LRP1B: variants seen among roughly 807,000 people sequenced by gnomAD.
LRP1B encodes low-density lipoprotein receptor-related protein 1B.
A neutral mutation model predicts 556.6 loss-of-function variants in LRP1B; 217 were observed. That is an observed-to-expected ratio of 0.39 (90% CI 0.35 to 0.44). The LOEUF (loss-of-function observed/expected upper bound fraction) is 0.44, where lower values mean the gene tolerates loss of function less well. Among genes scored for constraint, LRP1B ranks in the 20% least tolerant of loss-of-function variants. The probability of loss-of-function intolerance (pLI) is 1.00; values close to 1 mark genes in which losing one functional copy is unlikely to be tolerated. For missense variants in LRP1B, 5,053 were observed against 5,620.8 expected (o/e 0.90, Z 3.23); for synonymous variants, 2,047 against 1,865.8 (o/e 1.10, Z -2.50).
At chr2:140,826,967 C>T (rs1320874432) in intron 31 of LRP1B, among the ~76,000 whole-genome samples, 1 of 152,172 alleles carries the variant, frequency 6.6e-6, no homozygotes, top group Non-Finnish European at 1.5e-5. Context: ...CCCAGCCAGT[C>T]TCCTACAGAG....
chr2:140,419,041 C>A (rs115537184), intron 66 of LRP1B, among the ~76,000 whole-genome samples: 4,572 of 152,190 alleles, frequency 0.03, 109 homozygotes, highest in Non-Finnish European at 0.046. Context: ...GCCTGACAAT[C>A]CAAAGTTATT....
At chr2:140,396,907 A>C (rs1380017614) in intron 66 of LRP1B, among the ~76,000 whole-genome samples, 7 of 152,102 alleles carry the variant, frequency 4.6e-5, no homozygotes, top group Admixed American at 4.6e-4. Flanking sequence ...TACATTCAGC[A>C]CCTCATTGTT....
chr2:141,082,404 G>A (rs1699946614), intron 7 of LRP1B, among the ~76,000 whole-genome samples: 1 of 152,156 alleles, frequency 6.6e-6, no homozygotes, highest in Admixed American at 6.6e-5. Flanking sequence ...GGTCCACACA[G>A]GTGATCTCAT....
At chr2:140,295,762 A>C (rs888314529) in intron 84 of LRP1B, among the ~76,000 whole-genome samples, 1 of 151,506 alleles carries the variant, frequency 6.6e-6, no homozygotes, top group Non-Finnish European at 1.5e-5. Flanking sequence ...AGGAATTACA[A>C]GTGTCCTTGG....
chr2:141,504,189 C>T (rs1270895870), intron 2 of LRP1B, among the ~76,000 whole-genome samples: 2 of 152,040 alleles, frequency 1.3e-5, no homozygotes, highest in Admixed American at 6.6e-5. Flanking sequence ...AGCCTGCTTT[C>T]GAAGATGAAT....
intron 18 of LRP1B, 113 bp downstream of exon 18, chr2:140,982,047 G>T (rs886509749): frequency 1.4e-6 from 1 of 735,100 alleles, no homozygotes; most frequent in Non-Finnish European, 2.2e-6. Context: ...CATATCTTCT[G>T]CCTCTTTTAC....
At chr2:141,381,039 AT>A (rs1413897594) in intron 3 of LRP1B, among the ~76,000 whole-genome samples, 1 of 151,964 alleles carries the variant, frequency 6.6e-6, no homozygotes, top group Admixed American at 6.6e-5. Flanking sequence ...AAGAAAACAT[AT>A]GAATATGTTT....
intron 49 of LRP1B, among the ~76,000 whole-genome samples, chr2:140,522,311 T>C (rs1222062608): frequency 5.3e-5 from 8 of 151,888 alleles, no homozygotes; most frequent in Admixed American, 3.9e-4. Context: ...AAACTAAAAC[T>C]TGCTCCGAAT....
At chr2:140,712,112 C>G (rs1687049406) in intron 37 of LRP1B, among the ~76,000 whole-genome samples, 1 of 152,046 alleles carries the variant, frequency 6.6e-6, no homozygotes, top group South Asian at 2.1e-4. Flanking sequence ...GGAGGATTAT[C>G]CTGGGGCCAC....
chr2:141,236,003 G>A (rs959119185), intron 5 of LRP1B, among the ~76,000 whole-genome samples: 1 of 152,102 alleles, frequency 6.6e-6, no homozygotes, highest in African/African-American at 2.4e-5. Context: ...ACAGTATAAT[G>A]TGATCAAAAC....
chr2:141,475,779 A>C (rs57623449), intron 3 of LRP1B, among the ~76,000 whole-genome samples: 25,939 of 151,916 alleles, frequency 0.17, 2,376 homozygotes, highest in South Asian at 0.29. Flanking sequence ...CAGAGAGGAG[A>C]TCAGCCGCAG....
intron 32 of LRP1B, among the ~76,000 whole-genome samples, chr2:140,789,844 A>G (rs1328462211): frequency 6.6e-6 from 1 of 151,032 alleles, no homozygotes; most frequent in Non-Finnish European, 1.5e-5. Flanking sequence ...TTTAGCCGGG[A>G]TGGTCTCGAT....
chr2:140,460,185 C>G (rs991593963), intron 60 of LRP1B, among the ~76,000 whole-genome samples: 1 of 152,084 alleles, frequency 6.6e-6, no homozygotes, highest in African/African-American at 2.4e-5. Context: ...AATCTTAGCT[C>G]TCTCTGGAGT....
chr2:141,151,451 A>G (rs1701923077), intron 7 of LRP1B, among the ~76,000 whole-genome samples: 1 of 152,194 alleles, frequency 6.6e-6, no homozygotes, highest in Admixed American at 6.5e-5. Flanking sequence ...TTGACCACCT[A>G]TATCATACTA....
chr2:140,962,655 T>C (rs1450279180), intron 18 of LRP1B, among the ~76,000 whole-genome samples: 3 of 152,138 alleles, frequency 2.0e-5, no homozygotes, highest in Admixed American at 6.5e-5. Context: ...CCTGCTCAAA[T>C]TCTAGAAAGA....
At chr2:141,363,870 C>G (rs1315988740) in intron 3 of LRP1B, among the ~76,000 whole-genome samples, 1 of 151,906 alleles carries the variant, frequency 6.6e-6, no homozygotes, top group Non-Finnish European at 1.5e-5. Flanking sequence ...CACAATTTCC[C>G]CAATTATAAT....
At chr2:141,538,340 C>T (rs1419408401) in intron 2 of LRP1B, among the ~76,000 whole-genome samples, 1 of 152,010 alleles carries the variant, frequency 6.6e-6, no homozygotes, top group Admixed American at 6.6e-5. Flanking sequence ...CAAAATCTTC[C>T]CTCTCTCGCT....
chr2:141,323,953 A>G (rs1386336567), intron 3 of LRP1B, among the ~76,000 whole-genome samples: 2 of 139,998 alleles, frequency 1.4e-5, no homozygotes, highest in Non-Finnish European at 3.1e-5. Flanking sequence ...GAACAAGGAA[A>G]CCACACACAC....
At chr2:141,272,738 T>C (rs549319916) in intron 3 of LRP1B, among the ~76,000 whole-genome samples, 1 of 151,904 alleles carries the variant, frequency 6.6e-6, no homozygotes, top group African/African-American at 2.4e-5. Context: ...TTTACAACAA[T>C]GAAAGGGTGA....
Sources: gnomAD v4.1 joint callset for allele counts (sites outside exome capture counted in the v4.1 genomes callset) on GRCh38, gnomAD v4.1.1 for gene constraint, MANE v1.5 for transcripts, NCBI Gene and HGNC (gene_info 2026-07-23, HGNC 2026-07-21) for gene names.